C9: variants seen among roughly 807,000 people sequenced by gnomAD.
The protein encoded by C9 is complement component C9.
C9 carries 63 observed loss-of-function variants against 65.4 expected under a neutral mutation model. The observed-to-expected ratio is 0.96, with a 90% CI of 0.79 to 1.19. C9 has a LOEUF of 1.19. Among genes scored for constraint, C9 ranks in the 50% most tolerant of loss-of-function variants. The pLI is 0.00. For synonymous variants in C9, 229 were observed against 227.9 expected, an observed-to-expected ratio of 1.00 and a Z score of -0.04; for missense variants, 744 against 670.1, an observed-to-expected ratio of 1.11 and a Z score of -1.22.
In C9 at chr5:39,287,156, A is replaced by G. The variant is rs73078493; in HGVS notation, c.1645+1567T>C. On this transcript the variant is annotated intron_variant, in intron 10 of 10. Transcript: ENST00000263408. ...AACTCTTAGGATTAGAAACATGACT[A>G]AAGTCATGTTTACTTGTAGGAAGTA... Among the ~76,000 whole-genome samples, 1,039 of 152,058 alleles carry G rather than the reference A, an allele frequency of 6.8e-3. 15 individuals carry two copies. Among genetic ancestry groups the G allele is most frequent in the African/African-American group, 0.024 (982 of 41,530 alleles).
intron 4 of C9, among the ~76,000 whole-genome samples, chr5:39,336,346 AT>A (rs1753964690): frequency 6.6e-6 from 1 of 152,056 alleles, no homozygotes; most frequent in Admixed American, 6.5e-5. Context: ...CCCTCACAGA[AT>A]TTTAACCTAA....
At chr5:39,304,442 T>C (rs1040292381) in intron 9 of C9, among the ~76,000 whole-genome samples, 2 of 152,144 alleles carry the variant, frequency 1.3e-5, no homozygotes, top group African/African-American at 4.8e-5. Flanking sequence ...TCATAGATTG[T>C]GTAATTGTCT....
At chr5:39,325,728 C>T (rs148263564) in intron 5 of C9, among the ~76,000 whole-genome samples, 4,326 of 148,096 alleles carry the variant, frequency 0.029, 194 homozygotes, top group African/African-American at 0.1. Flanking sequence ...GCTGAGATTG[C>T]GCCACTGCAC....
intron 10 of C9, among the ~76,000 whole-genome samples, chr5:39,286,997 T>C (rs1182463494): frequency 6.6e-6 from 1 of 151,952 alleles, no homozygotes; most frequent in African/African-American, 2.4e-5. Context: ...TTCAGGAAAC[T>C]GTATTTGTTC....
At chr5:39,303,468 C>T (rs569260447) in intron 9 of C9, among the ~76,000 whole-genome samples, 14 of 150,672 alleles carry the variant, frequency 9.3e-5, no homozygotes, top group African/African-American at 2.9e-4. Flanking sequence ...TACTTTAGTA[C>T]GGAAAAATAT....
At chr5:39,305,122 C>T (rs530231179) in intron 9 of C9, among the ~76,000 whole-genome samples, 20 of 152,116 alleles carry the variant, frequency 1.3e-4, no homozygotes, top group South Asian at 2.1e-4. Context: ...CCAACATAAA[C>T]TTATTTTACT....
intron 6 of C9, among the ~76,000 whole-genome samples, chr5:39,312,926 T>C (rs1257027828): frequency 6.6e-6 from 1 of 152,180 alleles, no homozygotes; most frequent in Non-Finnish European, 1.5e-5. Context: ...CTGTATGTTA[T>C]AGGTCATATG....
chr5:39,341,863 A>C (rs1754093163), intron 2 of C9, among the ~76,000 whole-genome samples, 163 bp from the exon 3 acceptor site: 1 of 152,238 alleles, frequency 6.6e-6, no homozygotes, highest in African/African-American at 2.4e-5. Flanking sequence ...TCTGCATTCT[A>C]GGTTTGGCAG....
chr5:39,325,503 G>T (rs1417652325), intron 5 of C9, among the ~76,000 whole-genome samples: 1 of 152,120 alleles, frequency 6.6e-6, no homozygotes, highest in Non-Finnish European at 1.5e-5. Context: ...CGCCAGGCGC[G>T]GTTGCTCACG....
chr5:39,325,698 G>T (rs1210919600), intron 5 of C9, among the ~76,000 whole-genome samples: 1 of 150,688 alleles, frequency 6.6e-6, no homozygotes, highest in Non-Finnish European at 1.5e-5. Context: ...TTTAAACCCT[G>T]GAGGCAGTGA....
intron 1 of C9, among the ~76,000 whole-genome samples, chr5:39,361,821 AC>A (rs1754526760): frequency 6.6e-6 from 1 of 152,218 alleles, no homozygotes; most frequent in Admixed American, 6.5e-5. Flanking sequence ...AAAGAAAAAA[AC>A]AATAGTTAGA....
At chr5:39,350,058 C>T (rs1754293783) in intron 1 of C9, among the ~76,000 whole-genome samples, 1 of 152,128 alleles carries the variant, frequency 6.6e-6, no homozygotes, top group Admixed American at 6.5e-5. Context: ...TTGATTGACT[C>T]ACAGTTCCAC....
At chr5:39,323,751 G>A (rs1329142459) in intron 5 of C9, among the ~76,000 whole-genome samples, 3 of 151,892 alleles carry the variant, frequency 2.0e-5, no homozygotes, top group African/African-American at 7.3e-5. Context: ...TTTATCAGAC[G>A]TCAGGAACAA....
chr5:39,286,680 G>A (rs554180451), intron 10 of C9, among the ~76,000 whole-genome samples: 7 of 151,778 alleles, frequency 4.6e-5, no homozygotes, highest in South Asian at 2.1e-4. Flanking sequence ...GAAAATAGAC[G>A]TTCCAAGTAC....
intron 8 of C9, 38 bp downstream of exon 8, chr5:39,308,192 C>T: frequency 6.3e-7 from 1 of 1,595,178 alleles, no homozygotes; most frequent in East Asian, 2.2e-5. Context: ...CATCTACCCT[C>T]AGGCTTTATA....
At chr5:39,311,408 C>T (rs1753483177) in intron 6 of C9, 31 bp from the exon 7 acceptor site, 3 of 1,604,246 alleles carry the variant, frequency 1.9e-6, no homozygotes, top group African/African-American at 2.7e-5. Flanking sequence ...AGAAGAGAAA[C>T]ATGTGTTTTA....
At chr5:39,335,336 T>C (rs1296993849) in intron 4 of C9, among the ~76,000 whole-genome samples, 3 of 152,308 alleles carry the variant, frequency 2.0e-5, no homozygotes, top group East Asian at 3.9e-4. Flanking sequence ...TCCATGCAAA[T>C]TGTGTTCAAA....
intron 9 of C9, among the ~76,000 whole-genome samples, chr5:39,298,213 G>GA (rs1433602788): frequency 1.3e-5 from 2 of 150,006 alleles, no homozygotes; most frequent in Non-Finnish European, 3.0e-5. Flanking sequence ...TATTAGACAA[G>GA]AAAAAAATAT....
At chr5:39,288,669 T>A in intron 10 of C9, 54 bp downstream of exon 10, 1 of 922,998 alleles carries the variant, frequency 1.1e-6, no homozygotes, top group Admixed American at 1.7e-5. Flanking sequence ...TCAAATTAGA[T>A]AACCCCAAAG....
Sources: allele counts gnomAD v4.1 joint callset (sites outside exome capture counted in the v4.1 genomes callset), GRCh38; gene constraint gnomAD v4.1.1; transcripts MANE v1.5; gene names NCBI Gene and HGNC (gene_info 2026-07-23, HGNC 2026-07-21).